Variants in ANKS1B observed in about 807,000 individuals in gnomAD.
The protein encoded by ANKS1B is ankyrin repeat and sterile alpha motif domain containing 1B.
A neutral mutation model predicts 148.3 loss-of-function variants in ANKS1B; 36 were observed. The ratio of observed to expected loss-of-function variants is 0.24; its 90% confidence interval spans 0.19 to 0.32. The LOEUF (loss-of-function observed/expected upper bound fraction) is 0.32, where lower values mean the gene tolerates loss of function less well. Ranked by LOEUF, ANKS1B falls within the 10% of genes least tolerant of loss-of-function variation. The pLI is 1.00. For missense variants in ANKS1B, 1,157 were observed against 1,542.6 expected, an observed-to-expected ratio of 0.75 and a Z score of 4.19; for synonymous variants, 542 against 560.8, an observed-to-expected ratio of 0.97 and a Z score of 0.47.
At chr12:99,693,266 C>T (rs2053396602) in intron 8 of ANKS1B, among the ~76,000 whole-genome samples, 1 of 152,152 alleles carries the variant, frequency 6.6e-6, no homozygotes, top group African/African-American at 2.4e-5. Context: ...TCATTGGATT[C>T]ATAATCATGG....
intron 12 of ANKS1B, among the ~76,000 whole-genome samples, chr12:99,297,443 T>C (rs1233203580): frequency 6.6e-6 from 1 of 152,212 alleles, no homozygotes; most frequent in African/African-American, 2.4e-5. Flanking sequence ...CTGAGCTATT[T>C]CTCTCACTGA....
intron 1 of ANKS1B, among the ~76,000 whole-genome samples, chr12:99,899,882 A>C (rs1175279577): frequency 6.6e-6 from 1 of 151,786 alleles, no homozygotes. Flanking sequence ...AAACCAAAGT[A>C]CTGTAAAAAG....
At chr12:99,659,017 C>A (rs2072592274) in intron 8 of ANKS1B, among the ~76,000 whole-genome samples, 1 of 152,040 alleles carries the variant, frequency 6.6e-6, no homozygotes, top group African/African-American at 2.4e-5. Flanking sequence ...TTTCATTTGA[C>A]TACCTAGAAA....
chr12:99,301,794 T>C (rs2081655528), intron 12 of ANKS1B, among the ~76,000 whole-genome samples: 1 of 152,152 alleles, frequency 6.6e-6, no homozygotes, highest in African/African-American at 2.4e-5. Flanking sequence ...TATTAAATAA[T>C]ACTTGTATAA....
intron 12 of ANKS1B, among the ~76,000 whole-genome samples, chr12:99,374,822 T>C (rs1475295233): frequency 6.6e-6 from 1 of 152,236 alleles, no homozygotes; most frequent in African/African-American, 2.4e-5. Context: ...CAATGTGAAT[T>C]TGTTTACTTA....
chr12:99,764,315 A>T (rs74921775), intron 8 of ANKS1B, among the ~76,000 whole-genome samples: 1 of 152,264 alleles, frequency 6.6e-6, no homozygotes, highest in Non-Finnish European at 1.5e-5. Context: ...AGATCTAAAT[A>T]GAAGGATCAA....
intron 8 of ANKS1B, among the ~76,000 whole-genome samples, chr12:99,771,079 C>T (rs1296546174): frequency 2.6e-5 from 4 of 152,148 alleles, no homozygotes; most frequent in South Asian, 2.1e-4. Flanking sequence ...AAGCCTTTGC[C>T]GTAACTTCCT....
At chr12:99,324,119 CTATT>C (rs2085849358) in intron 12 of ANKS1B, among the ~76,000 whole-genome samples, 1 of 152,068 alleles carries the variant, frequency 6.6e-6, no homozygotes, top group African/African-American at 2.4e-5. Context: ...AGTTAATGAG[CTATT>C]TATTTTTGTG....
intron 17 of ANKS1B, among the ~76,000 whole-genome samples, chr12:98,863,988 C>T (rs1431682371): frequency 1.3e-5 from 2 of 152,186 alleles, no homozygotes; most frequent in Middle Eastern, 3.2e-3. Context: ...GTCCTAGAAG[C>T]ATGCTGACTG....
chr12:98,988,854 A>T (rs1229226018), intron 17 of ANKS1B, among the ~76,000 whole-genome samples: 1 of 152,152 alleles, frequency 6.6e-6, no homozygotes, highest in East Asian at 1.9e-4. Flanking sequence ...ATGATTAGTG[A>T]TGTTGAGCAC....
At chr12:99,175,879 C>T (rs982002065) in intron 14 of ANKS1B, among the ~76,000 whole-genome samples, 1 of 152,166 alleles carries the variant, frequency 6.6e-6, no homozygotes, top group Non-Finnish European at 1.5e-5. Context: ...CCGAGTCCTG[C>T]TCTGTTGCTC....
chr12:98,800,671 CAG>C (rs72307059), intron 21 of ANKS1B, among the ~76,000 whole-genome samples: 4,337 of 29,916 alleles, frequency 0.14, 247 homozygotes, highest in East Asian at 0.52. Flanking sequence ...GGTGAGTGAG[CAG>C]AGATATATAT....
chr12:99,784,176 T>C (rs1025123635), intron 4 of ANKS1B, among the ~76,000 whole-genome samples: 3 of 146,840 alleles, frequency 2.0e-5, no homozygotes, highest in Non-Finnish European at 3.0e-5. Context: ...TTCTTTTTTT[T>C]TTTTTTTTTT....
chr12:99,606,637 TAACTC>T (rs1383144793), intron 9 of ANKS1B, among the ~76,000 whole-genome samples: 1 of 152,048 alleles, frequency 6.6e-6, no homozygotes, highest in Non-Finnish European at 1.5e-5. Flanking sequence ...TACTTAGAAA[TAACTC>T]AGACAATTAA....
Position 99,647,334 on chromosome 12 carries a change from G to A in ANKS1B, c.1272+7733C>T, listed in dbSNP as rs78928889. ...TAATTTATTTAAGCAATCCCCTATT[G>A]TAAGACACTAATGCTGTTTATAATT... On this transcript the variant is annotated intron_variant, in intron 9 of 26. Coordinates refer to ENST00000683438, the MANE Select transcript of ANKS1B (RefSeq NM_001352186.2). 4.7e-3 allele frequency among the ~76,000 whole-genome samples: 720 copies of A among 152,254 alleles called. 9 individuals carry two copies. The highest frequency in any genetic ancestry group is 0.016 in the African/African-American group (664 of 41,554).
In ANKS1B at chr12:99,772,972, A is replaced by T; in HGVS notation, c.1078T>A (p.Leu360Met). 6.2e-7 allele frequency: 1 copy of T among 1,611,952 alleles called. No individual in the cohort carries two copies. Residue 360 changes from leucine to methionine, a missense_variant, in exon 8 of 27, where the codon TTG becomes ATG. Transcript: ENST00000683438. ...HTISDHYLDN[L>M]SKISEEELGK... The stretch of plus-strand genomic sequence containing the variant: ...AGTTCTTCCTCTGAAATCTTGCTCA[A>T]ATTATCTAAGTAGTGGTCTGATATT...
chr12:98,787,888 C>A (rs1289390188), intron 22 of ANKS1B, among the ~76,000 whole-genome samples: 2 of 151,582 alleles, frequency 1.3e-5, no homozygotes, highest in East Asian at 1.9e-4. Flanking sequence ...CCACTACACT[C>A]CAGCCTGGGT....
rs796225738 is a variant in ANKS1B at position 99,700,113 on chromosome 12, C to CA, written c.1129-44904dup. Among the ~76,000 whole-genome samples the CA allele has an allele frequency of 2.4e-4, 37 of 152,098 alleles. 1 individual carries two copies. The highest frequency in any genetic ancestry group is 8.2e-4 in the African/African-American group (34 of 41,506). On this transcript the variant is annotated intron_variant, in intron 8 of 26. Transcript: ENST00000683438. ...GCACAGAAGACAACTTTTAAAATAT[C>CA]AAAAAAATTAACAATGCTTCATTTT...
intron 12 of ANKS1B, among the ~76,000 whole-genome samples, chr12:99,274,346 C>T (rs911700254): frequency 6.6e-6 from 1 of 152,068 alleles, no homozygotes; most frequent in African/African-American, 2.4e-5. Flanking sequence ...TCTGTTTTCT[C>T]ACATTTTGTC....
Sources: gnomAD v4.1 joint callset for allele counts (sites outside exome capture counted in the v4.1 genomes callset) on GRCh38, gnomAD v4.1.1 for gene constraint, MANE v1.5 for transcripts, NCBI Gene and HGNC (gene_info 2026-07-23, HGNC 2026-07-21) for gene names.